The following RNF24 variants were observed in gnomAD, a reference collection of about 807,000 sequenced individuals.
The protein encoded by RNF24 is ring finger protein 24.
Under a neutral mutation model 20.0 loss-of-function variants are expected in RNF24, and 14 were observed. The observed-to-expected ratio is 0.70, with a 90% CI of 0.46 to 1.10. RNF24 has a LOEUF of 1.10. RNF24 is among the 50% of genes least tolerant of loss of function. The pLI, the probability that RNF24 is intolerant of heterozygous loss-of-function variation, is 0.00. For missense variants in RNF24, 124 were observed against 177.6 expected (o/e 0.70, Z 1.71); for synonymous variants, 45 against 61.1 (o/e 0.74, Z 1.23).
At chr20:3,940,936 T>C (rs2090947670) in intron 4 of RNF24, among the ~76,000 whole-genome samples, 1 of 152,086 alleles carries the variant, frequency 6.6e-6, no homozygotes, top group African/African-American at 2.4e-5. Context: ...AAAAGAGAAA[T>C]GACATAAGAA....
chr20:3,928,437 C>T lies in RNF24; in HGVS notation c.*5626G>A, dbSNP rs1311762693. On this transcript the variant is annotated 3_prime_UTR_variant, in exon 6 of 6. Coordinates refer to ENST00000358395, the MANE Select transcript of RNF24 (RefSeq NM_001134337.3). ...TGGAGGAAGCAGCTCTAACTTTCAT[C>T]AGCGGGGACAAAAATGAACTTAAAC... 6.6e-6 allele frequency: 1 copy of T among 152,176 alleles called. No homozygotes were observed. Among genetic ancestry groups the T allele is most frequent in the African/African-American group, 2.4e-5 (1 of 41,424 alleles). The allele number at this position is 152,176 out of a possible 1,614,324, so 9.4% of individuals were successfully genotyped here.
intron 1 of RNF24, among the ~76,000 whole-genome samples, chr20:3,964,547 G>C (rs895241576): frequency 6.6e-6 from 1 of 151,718 alleles, no homozygotes; most frequent in African/African-American, 2.4e-5. Context: ...TTTGAGACAG[G>C]GTCTCATTCT....
At chr20:4,012,657 A>T (rs1043980366) in intron 1 of RNF24, among the ~76,000 whole-genome samples, 3 of 152,174 alleles carry the variant, frequency 2.0e-5, no homozygotes, top group Admixed American at 6.5e-5. Flanking sequence ...AGGATCTAAA[A>T]GTTAGTTTAG....
In RNF24 at chr20:3,994,990, A is replaced by G. The variant is rs1980745659; in HGVS notation, c.-8+20447T>C. Reference sequence around the variant, plus strand: ...CATTGTACAGCCTTAAAAGTGAGAGAAAACAATGTCACTGATAGTTTAGCA... The same window carrying G: ...CATTGTACAGCCTTAAAAGTGAGAGGAAACAATGTCACTGATAGTTTAGCA... On this transcript the variant is annotated intron_variant, in intron 1 of 5. Coordinates refer to ENST00000358395, the MANE Select transcript of RNF24 (RefSeq NM_001134337.3). Among the ~76,000 whole-genome samples, 8 of 152,238 alleles carry G rather than the reference A, an allele frequency of 5.3e-5. No homozygotes were observed. The South Asian group carries it at 1.7e-3, about 32-fold the overall frequency.
At chr20:3,945,669 C>T (rs1442690898) in intron 3 of RNF24, among the ~76,000 whole-genome samples, 1 of 148,660 alleles carries the variant, frequency 6.7e-6, no homozygotes, top group East Asian at 2.0e-4. Flanking sequence ...GAGCCGAGAT[C>T]GTGCCATTGC....
chr20:4,000,697 A>G (rs541556308), intron 1 of RNF24, among the ~76,000 whole-genome samples: 44 of 152,324 alleles, frequency 2.9e-4, no homozygotes, highest in African/African-American at 1.1e-3. Flanking sequence ...ACTCATATTT[A>G]TAAAAAGAGG....
chr20:3,935,154 G>T (rs78631212), intron 4 of RNF24, 81 bp from the exon 5 acceptor site: 3 of 1,125,802 alleles, frequency 2.7e-6, no homozygotes, highest in Non-Finnish European at 2.7e-6. Flanking sequence ...GCTCCTAAAG[G>T]CTCAACCGTT....
intron 1 of RNF24, among the ~76,000 whole-genome samples, chr20:3,965,621 G>A (rs1414790869): frequency 2.6e-5 from 4 of 152,198 alleles, no homozygotes; most frequent in Admixed American, 6.5e-5. Context: ...AAGGAAGGAT[G>A]TAGTTAAGGA....
rs2090846820 is a variant in RNF24 at position 3,933,184 on chromosome 20, G to T, written c.*879C>A. On this transcript the variant is annotated 3_prime_UTR_variant, in exon 6 of 6. Coordinates refer to ENST00000358395, the MANE Select transcript of RNF24 (RefSeq NM_001134337.3). ...TTCCCTTCATCCAGCCGGGCCAGAA[G>T]TATGGGCCATTCTCAAAAAGCCACT... 3 of 393,930 alleles carry T rather than the reference G, an allele frequency of 7.6e-6. No individual in the cohort carries two copies. The highest frequency in any genetic ancestry group is 1.3e-5 in the Non-Finnish European group (3 of 224,086). The allele number at this position is 393,930 out of a possible 1,614,324, so 24.4% of individuals were successfully genotyped here.
At chr20:3,988,767 A>C (rs1226345293) in intron 1 of RNF24, among the ~76,000 whole-genome samples, 1 of 152,016 alleles carries the variant, frequency 6.6e-6, no homozygotes, top group Non-Finnish European at 1.5e-5. Flanking sequence ...CCCATATGAA[A>C]TTTTTTGAAA....
At position 3,929,034 on chromosome 20, in the gene RNF24, A is replaced by G. The variant is rs933831344; in HGVS notation, c.*5029T>C. 2 of 151,938 alleles carry G rather than the reference A, an allele frequency of 1.3e-5. No individual in the cohort carries two copies. Among genetic ancestry groups the G allele is most frequent in the African/African-American group, 2.4e-5 (1 of 41,332 alleles). 9.4% of individuals were successfully genotyped at this position (151,938 alleles called of 1,614,324 possible). A position where few individuals can be genotyped will look rare whatever the true frequency, so the allele number is the denominator to read the frequency against. On this transcript the variant is annotated 3_prime_UTR_variant, in exon 6 of 6. Transcript: ENST00000358395. ...CGGCAAATTTTTGTATTTTTAGTAG[A>G]GGGGGTTTCACCATATTGGTCAGGC...
chr20:3,963,784 C>G, intron 2 of RNF24, 91 bp downstream of exon 2: 3 of 1,127,124 alleles, frequency 2.7e-6, no homozygotes, highest in Non-Finnish European at 3.7e-6. Context: ...TGCCAATTAT[C>G]ATACTTCATT....
rs1455089790 is a variant in RNF24 at position 3,931,378 on chromosome 20, CCTAA to C, written c.*2681_*2684del. The C allele has an allele frequency of 6.6e-6, 1 of 152,080 alleles. No individual in the cohort carries two copies. Among genetic ancestry groups the C allele is most frequent in the African/African-American group, 2.4e-5 (1 of 41,374 alleles). The allele number at this position is 152,080 out of a possible 1,614,324, so 9.4% of individuals were successfully genotyped here. On this transcript the variant is annotated 3_prime_UTR_variant, in exon 6 of 6. Transcript: ENST00000358395. The stretch of plus-strand genomic sequence containing the variant: ...GAGCCAAGAGAGTTATAAAGGGGTC[CCTAA>C]CTCATTCCTTTTTCAAAATAAATAA...
intron 1 of RNF24, chr20:3,974,192 C>A: frequency 1.2e-6 from 1 of 806,130 alleles, no homozygotes; most frequent in Non-Finnish European, 1.8e-6. Context: ...AAAAAACTCC[C>A]AGAAATAGAA....
intron 1 of RNF24, among the ~76,000 whole-genome samples, chr20:3,991,247 CTTTT>C (rs10599625): frequency 1.2e-4 from 10 of 82,760 alleles, no homozygotes; most frequent in Non-Finnish European, 2.2e-4. Flanking sequence ...TTTTAAACAA[CTTTT>C]TTTTTTTTTT....
chr20:4,000,600 C>A (rs1245173268), intron 1 of RNF24, among the ~76,000 whole-genome samples: 1 of 152,116 alleles, frequency 6.6e-6, no homozygotes, highest in Non-Finnish European at 1.5e-5. Context: ...TAGGCAGTTA[C>A]AATTTTTACA....
At chr20:3,959,631 C>T (rs1178836091) in intron 2 of RNF24, among the ~76,000 whole-genome samples, 4 of 152,162 alleles carry the variant, frequency 2.6e-5, no homozygotes, top group African/African-American at 9.7e-5. Flanking sequence ...CATATGTTGT[C>T]ATATGTGGCT....
chr20:3,977,451 A>G (rs1978961100), intron 1 of RNF24, among the ~76,000 whole-genome samples: 2 of 152,206 alleles, frequency 1.3e-5, no homozygotes, highest in Admixed American at 6.5e-5. Flanking sequence ...TCAGCAAAAT[A>G]TAGGGTAAAA....
intron 3 of RNF24, among the ~76,000 whole-genome samples, 197 bp downstream of exon 3, chr20:3,948,040 C>G (rs1042557662): frequency 4.0e-5 from 6 of 150,644 alleles, no homozygotes; most frequent in Non-Finnish European, 8.9e-5. Context: ...GAGCGAAACT[C>G]CGTCTCAAAA....
Sources: allele counts gnomAD v4.1 joint callset (sites outside exome capture counted in the v4.1 genomes callset), GRCh38; gene constraint gnomAD v4.1.1; transcripts MANE v1.5; gene names NCBI Gene and HGNC (gene_info 2026-07-23, HGNC 2026-07-21).